FALEC: variants seen among roughly 807,000 people sequenced by gnomAD.
The protein encoded by FALEC is focally amplified lncRNA regulator of ECM1.
chr1:150,532,147 T>C, the FALEC span, among the ~76,000 whole-genome samples: 10 of 152,240 alleles, frequency 6.6e-5, no homozygotes, highest in Non-Finnish European at 1.5e-4. Context: ...GACCTCCTGA[T>C]CCACCTGCCT....
downstream of FALEC, among the ~76,000 whole-genome samples, chr1:150,521,183 T>A (rs1485708936): frequency 6.6e-6 from 1 of 152,254 alleles, no homozygotes; most frequent in Non-Finnish European, 1.5e-5. Context: ...GTTTCCAGTT[T>A]TAAGCTATTT....
At chr1:150,532,228 G>T in the FALEC span, among the ~76,000 whole-genome samples, 1 of 152,130 alleles carries the variant, frequency 6.6e-6, no homozygotes, top group Non-Finnish European at 1.5e-5. Flanking sequence ...TTTTAAAGTT[G>T]GTTTTCCTTT....
At chr1:150,532,410 CA>C in the FALEC span, among the ~76,000 whole-genome samples, 19 of 152,268 alleles carry the variant, frequency 1.2e-4, 1 homozygote, top group South Asian at 3.9e-3. Context: ...CTGGAGAAGC[CA>C]ATTGACTCAG....
chr1:150,525,981 C>CT, the FALEC span, among the ~76,000 whole-genome samples: 1 of 152,122 alleles, frequency 6.6e-6, no homozygotes. Context: ...CATATGTGGT[C>CT]TTTTTTGTTT....
At chr1:150,522,985 T>TA, downstream of FALEC, among the ~76,000 whole-genome samples, 1 of 71,632 alleles carries the variant, frequency 1.4e-5, no homozygotes, top group East Asian at 3.2e-4. Context: ...ATATATATAT[T>TA]TTTTTTTTTT....
chr1:150,522,944 T>TAC (rs1670671525), downstream of FALEC, among the ~76,000 whole-genome samples: 1 of 3,998 alleles, frequency 2.5e-4, no homozygotes, highest in African/African-American at 8.8e-4. Context: ...TGTGTGTGTG[T>TAC]GTGTGTATAT....
chr1:150,522,973 A>ATTTT (rs1560270867), downstream of FALEC, among the ~76,000 whole-genome samples: 11 of 30,714 alleles, frequency 3.6e-4, no homozygotes, highest in Non-Finnish European at 5.0e-4. Flanking sequence ...ATATATATAT[A>ATTTT]TATATATATA....
At chr1:150,525,380 G>A in the FALEC span, among the ~76,000 whole-genome samples, 9 of 152,056 alleles carry the variant, frequency 5.9e-5, no homozygotes, top group South Asian at 2.1e-4. Context: ...TGGGAGGATC[G>A]CTTGAACCTG....
At chr1:150,528,296 T>G in the FALEC span, among the ~76,000 whole-genome samples, 11 of 152,212 alleles carry the variant, frequency 7.2e-5, no homozygotes, top group Non-Finnish European at 1.6e-4. Flanking sequence ...ATTGCAAAGA[T>G]GTCAACTCCT....
the FALEC span, among the ~76,000 whole-genome samples, chr1:150,527,510 C>T: frequency 1.3e-5 from 2 of 152,126 alleles, no homozygotes; most frequent in Admixed American, 6.6e-5. Context: ...CTGCCCGCCT[C>T]AGCCTCCCAA....
chr1:150,532,247 A>G, the FALEC span, among the ~76,000 whole-genome samples: 17 of 152,182 alleles, frequency 1.1e-4, no homozygotes, highest in Admixed American at 1.0e-3. Flanking sequence ...TTATTTCCAC[A>G]AGACCCAGGA....
chr1:150,528,093 A>C, the FALEC span, among the ~76,000 whole-genome samples: 1 of 152,020 alleles, frequency 6.6e-6, no homozygotes. Flanking sequence ...TGGGCATATG[A>C]CCCAGGTTTC....
downstream of FALEC, among the ~76,000 whole-genome samples, chr1:150,522,019 C>T (rs1325686943): frequency 1.3e-5 from 2 of 151,734 alleles, no homozygotes; most frequent in African/African-American, 4.8e-5. Context: ...CCAAGGTGGG[C>T]AGATCACCTG....
At chr1:150,529,041 C>CAAAAAAAAAAAAAAAAAAAAAAAAAA in the FALEC span, among the ~76,000 whole-genome samples, 4 of 58,668 alleles carry the variant, frequency 6.8e-5, no homozygotes, top group Admixed American at 1.4e-4. Flanking sequence ...AAAAAAAAAT[C>CAAAAAAAAAAAAAAAAAAAAAAAAAA]AAAGGATCTA....
intron 1 of FALEC, among the ~76,000 whole-genome samples, chr1:150,516,821 G>C (rs977673540): frequency 2.0e-5 from 3 of 152,124 alleles, no homozygotes; most frequent in African/African-American, 7.2e-5. Context: ...TTTTGTGTTA[G>C]GCAGAGTGCT....
the FALEC span, among the ~76,000 whole-genome samples, chr1:150,525,477 CAAAA>C: frequency 2.0e-5 from 3 of 150,082 alleles, no homozygotes; most frequent in African/African-American, 7.4e-5. Flanking sequence ...AACAAACAAA[CAAAA>C]AGCATACAGT....
the FALEC span, among the ~76,000 whole-genome samples, chr1:150,524,017 C>T: frequency 6.6e-6 from 1 of 152,194 alleles, no homozygotes; most frequent in Non-Finnish European, 1.5e-5. Flanking sequence ...CCCCCAGAGC[C>T]TCCGGAAGGA....
At chr1:150,533,399 G>A in the FALEC span, among the ~76,000 whole-genome samples, 14 of 142,226 alleles carry the variant, frequency 9.8e-5, no homozygotes, top group African/African-American at 3.7e-4. Flanking sequence ...AATGTTTTTT[G>A]TGTATACCTA....
the FALEC span, among the ~76,000 whole-genome samples, chr1:150,531,270 G>A: frequency 1.5e-4 from 23 of 152,302 alleles, no homozygotes; most frequent in East Asian, 4.2e-3. Context: ...CGAGGTGGGC[G>A]GATCATCCGA....
Sources: allele counts gnomAD v4.1 joint callset (sites outside exome capture counted in the v4.1 genomes callset), GRCh38; gene constraint gnomAD v4.1.1; transcripts MANE v1.5; gene names NCBI Gene and HGNC (gene_info 2026-07-23, HGNC 2026-07-21).